Variants in IDE observed in about 807,000 individuals in gnomAD.
The protein encoded by IDE is insulin-degrading enzyme.
Under a neutral mutation model 133.2 loss-of-function variants are expected in IDE, and 58 were observed. That is an observed-to-expected ratio of 0.44 (90% CI 0.35 to 0.54). The LOEUF (loss-of-function observed/expected upper bound fraction) is 0.54. IDE is among the 20% of genes least tolerant of loss of function. The probability of loss-of-function intolerance (pLI) is 0.00; values close to 1 mark genes in which losing one functional copy is unlikely to be tolerated. For synonymous variants in IDE, 396 were observed against 421.3 expected, an observed-to-expected ratio of 0.94 and a Z score of 0.73; for missense variants, 981 against 1,234.0, an observed-to-expected ratio of 0.79 and a Z score of 3.07.
chr10:92,552,475 T>C (rs1589529244), intron 1 of IDE, among the ~76,000 whole-genome samples: 2 of 152,126 alleles, frequency 1.3e-5, no homozygotes, highest in South Asian at 4.1e-4. Context: ...TATGTGGCTG[T>C]CCACCAGAGG....
chr10:92,537,381 G>A lies in IDE; in HGVS notation c.268C>T (p.Leu90Phe), dbSNP rs755560154. 10 of 1,604,142 alleles carry A rather than the reference G, an allele frequency of 6.2e-6. No individual in the cohort carries two copies. Among genetic ancestry groups the A allele is most frequent in the Non-Finnish European group, 8.5e-6 (10 of 1,177,396 alleles). ...DPTTDKSSAA[L>F]DVHIGSLSDP... ...TCAATTGTACCTATGTGCACATCAAGTGCTGCTGATGACTTATCCGTGGTG... is the reference window on the plus strand; with the variant it reads ...TCAATTGTACCTATGTGCACATCAAATGCTGCTGATGACTTATCCGTGGTG... The change falls in exon 2 of 25, where the codon CTT becomes TTT. Residue 90 changes from leucine (L) to phenylalanine (F), a missense_variant. By Grantham distance (22) the Leu-to-Phe change is conservative (BLOSUM62 0). Coordinates refer to ENST00000265986, the MANE Select transcript of IDE (RefSeq NM_004969.4).
chr10:92,521,994 C>A (rs1849248904), intron 4 of IDE, among the ~76,000 whole-genome samples: 1 of 151,300 alleles, frequency 6.6e-6, no homozygotes, highest in Admixed American at 6.6e-5. Flanking sequence ...TGGCCAGGGG[C>A]AGGGTGATGC....
chr10:92,515,261 CTTT>C (rs1220283000), intron 4 of IDE, among the ~76,000 whole-genome samples: 5 of 138,984 alleles, frequency 3.6e-5, no homozygotes, highest in Admixed American at 7.3e-5. Flanking sequence ...TTAAAAGTGT[CTTT>C]TTTTTTTTTT....
intron 15 of IDE, among the ~76,000 whole-genome samples, chr10:92,477,848 G>A (rs1010546920): frequency 6.6e-6 from 1 of 152,006 alleles, no homozygotes; most frequent in Non-Finnish European, 1.5e-5. Context: ...GTGGACTCTG[G>A]GAATGGTTAG....
chr10:92,469,502 C>T (rs1845855923), intron 18 of IDE, among the ~76,000 whole-genome samples: 1 of 151,926 alleles, frequency 6.6e-6, no homozygotes, highest in Admixed American at 6.6e-5. Context: ...AATCATAACT[C>T]ACTGCAGCCT....
In IDE at chr10:92,468,990, C is replaced by A. The variant is rs112372000; in HGVS notation, c.2209G>T (p.Ala737Ser). Reference sequence around the variant, plus strand: ...ACCATCTGCATAATTCCTAATGCAGCCTATGGAAAAAGATATGTCCCAGCA... The same window carrying A: ...ACCATCTGCATAATTCCTAATGCAGACTATGGAAAAAGATATGTCCCAGCA... Reference protein sequence around the residue: ...ALLHGNITKQAALGIMQMVED... With the variant: ...ALLHGNITKQSALGIMQMVED... The change falls in exon 19 of 25, where the codon GCT (alanine) becomes TCT (serine). Residue 737 changes from alanine to serine, a missense_variant and splice_region_variant. Transcript: ENST00000265986. 1 of 1,543,092 alleles carries A rather than the reference C, an allele frequency of 6.5e-7. No homozygotes were observed. The highest frequency in any genetic ancestry group is 1.1e-5 in the South Asian group (1 of 89,582).
At chr10:92,499,454 A>T (rs1847892754) in intron 11 of IDE, among the ~76,000 whole-genome samples, 1 of 151,894 alleles carries the variant, frequency 6.6e-6, no homozygotes, top group Admixed American at 6.6e-5. Context: ...CTTCTTTAAG[A>T]CAGGGTCTCA....
intron 4 of IDE, among the ~76,000 whole-genome samples, chr10:92,527,102 T>C (rs1474259987): frequency 6.6e-6 from 1 of 152,180 alleles, no homozygotes; most frequent in Admixed American, 6.6e-5. Flanking sequence ...ATTTCCTCTA[T>C]CTGAAGATAA....
In IDE at chr10:92,504,778, C is replaced by A. The variant is rs1165854504; in HGVS notation, c.1430+16G>T. On this transcript the variant is annotated intron_variant, in intron 11 of 24. Coordinates refer to ENST00000265986, the MANE Select transcript of IDE (RefSeq NM_004969.4). ...AAAATTTAGTGTATAATAGTAAAAT[C>A]TGTATGGTGACTCACCGGACATTTT... 3 of 1,341,022 alleles carry A rather than the reference C, an allele frequency of 2.2e-6. No individual in the cohort carries two copies. Among genetic ancestry groups the A allele is most frequent in the Non-Finnish European group, 3.2e-6 (3 of 936,994 alleles). The allele number at this position is 1,341,022 out of a possible 1,614,324, so 83.1% of individuals were successfully genotyped here.
chr10:92,514,518 T>C (rs1301701061), intron 5 of IDE, among the ~76,000 whole-genome samples: 1 of 152,008 alleles, frequency 6.6e-6, no homozygotes, highest in Non-Finnish European at 1.5e-5. Context: ...AGCCTTTAAC[T>C]GCAGCCTTTA....
chr10:92,541,012 A>G (rs1381676895), intron 1 of IDE, among the ~76,000 whole-genome samples: 1 of 152,218 alleles, frequency 6.6e-6, no homozygotes, highest in Non-Finnish European at 1.5e-5. Flanking sequence ...GTTGTGCTGG[A>G]TTAATATTCC....
At chr10:92,537,616 A>G (rs1280811805) in intron 1 of IDE, 66 bp from the exon 2 acceptor site, 2 of 1,177,336 alleles carry the variant, frequency 1.7e-6, no homozygotes, top group Admixed American at 4.3e-5. Flanking sequence ...CAATAACGTC[A>G]AGTAAACCCA....
intron 17 of IDE, among the ~76,000 whole-genome samples, chr10:92,471,737 C>G (rs1564601056): frequency 6.6e-6 from 1 of 152,112 alleles, no homozygotes; most frequent in East Asian, 1.9e-4. Flanking sequence ...ATTTTTGAGA[C>G]AGAGTCTTGC....
intron 1 of IDE, among the ~76,000 whole-genome samples, chr10:92,565,427 AAAAG>A (rs1843490845): frequency 2.7e-5 from 4 of 148,480 alleles, no homozygotes; most frequent in Non-Finnish European, 4.5e-5. Context: ...AAAAAAAAAG[AAAAG>A]AAAGAAAGAA....
intron 1 of IDE, among the ~76,000 whole-genome samples, chr10:92,547,610 T>G (rs1842587823): frequency 6.6e-6 from 1 of 152,206 alleles, no homozygotes; most frequent in Non-Finnish European, 1.5e-5. Flanking sequence ...ATTTAGAATT[T>G]TGGAGCATTT....
chr10:92,518,321 T>TACAA (rs1418335492), intron 4 of IDE, among the ~76,000 whole-genome samples: 2 of 152,190 alleles, frequency 1.3e-5, no homozygotes, highest in African/African-American at 4.8e-5. Flanking sequence ...CAAGTTACTT[T>TACAA]ACTTCTCTGT....
rs3051565 is a variant in IDE at position 92,557,874 on chromosome 10, C to CAAAAA, written c.98+16043_98+16047dup. 1.6e-4 allele frequency among the ~76,000 whole-genome samples: 17 copies of CAAAAA among 108,288 alleles called. 2 individuals are homozygous for CAAAAA. The highest frequency in any genetic ancestry group is 1.4e-4 in the African/African-American group (4 of 27,592). 71.0% of individuals were successfully genotyped at this position (108,288 alleles called of 152,430 possible). Reference sequence around the variant, plus strand: ...TGGGCAACAGAGCAAGATTCCACCTCAAAAAAAAAAAAAAAAAAAGGATGC... The same window carrying CAAAAA: ...TGGGCAACAGAGCAAGATTCCACCTCAAAAAAAAAAAAAAAAAAAAAAAAGGATGC... On this transcript the variant is annotated intron_variant, in intron 1 of 24. Coordinates refer to ENST00000265986, the MANE Select transcript of IDE (RefSeq NM_004969.4).
In IDE at chr10:92,476,019, A is replaced by G. The variant is rs781502288; in HGVS notation, c.1885-25T>C. 9 of 1,001,412 alleles carry G rather than the reference A, an allele frequency of 9.0e-6. No individual in the cohort carries two copies. In the Admixed American group the frequency reaches 9.5e-5, roughly 11 times the overall value. 62.0% of individuals were successfully genotyped at this position (1,001,412 alleles called of 1,614,324 possible). ...GCTACAGAAAGAATTCAGGGTATTA[A>G]AAGTCTAAAAATATCACAAAACAAC... is the stretch of plus-strand genomic sequence containing the variant. On this transcript the variant is annotated intron_variant, in intron 15 of 24. Coordinates refer to ENST00000265986, the MANE Select transcript of IDE (RefSeq NM_004969.4).
chr10:92,458,486 C>G (rs1564588121), intron 22 of IDE, among the ~76,000 whole-genome samples: 5 of 133,518 alleles, frequency 3.7e-5, no homozygotes, highest in East Asian at 2.3e-4. Flanking sequence ...TAAATACTCT[C>G]TCTGTTTTTT....
Sources: gnomAD v4.1 joint callset for allele counts (sites outside exome capture counted in the v4.1 genomes callset) on GRCh38, gnomAD v4.1.1 for gene constraint, MANE v1.5 for transcripts, NCBI Gene and HGNC (gene_info 2026-07-23, HGNC 2026-07-21) for gene names.